The following KAT6B variants were observed in gnomAD, a reference collection of about 807,000 sequenced individuals.
KAT6B encodes the protein lysine acetyltransferase 6B.
A neutral mutation model predicts 187.5 loss-of-function variants in KAT6B; 10 were observed. That is an observed-to-expected ratio of 0.05 (90% confidence interval 0.03 to 0.09). The LOEUF (loss-of-function observed/expected upper bound fraction) is 0.09, where lower values mean the gene tolerates loss of function less well. KAT6B is among the 10% of genes least tolerant of loss of function. KAT6B has a pLI of 1.00. For missense variants in KAT6B, 1,952 were observed against 2,558.9 expected (o/e 0.76, Z 5.12); for synonymous variants, 861 against 926.8 (o/e 0.93, Z 1.29).
At chr10:74,894,333 C>T (rs1268072784) in intron 3 of KAT6B, among the ~76,000 whole-genome samples, 3 of 152,204 alleles carry the variant, frequency 2.0e-5, no homozygotes, top group Non-Finnish European at 4.4e-5. Flanking sequence ...CCACCCACCT[C>T]GGCCTCCCCA....
intron 12 of KAT6B, among the ~76,000 whole-genome samples, chr10:74,986,306 T>C (rs1350076733): frequency 6.6e-6 from 1 of 152,228 alleles, no homozygotes; most frequent in African/African-American, 2.4e-5. Context: ...TAGTTAAATG[T>C]ACCAGGATGG....
intron 3 of KAT6B, among the ~76,000 whole-genome samples, chr10:74,871,752 A>G (rs1265604862): frequency 6.6e-6 from 1 of 152,246 alleles, no homozygotes; most frequent in East Asian, 1.9e-4. Flanking sequence ...AATATGGTTT[A>G]GCATGCCAGA....
rs553411301 is a variant in KAT6B at position 74,827,122 on chromosome 10, C to T, written c.-329+337C>T. 2.7e-3 allele frequency: 372 copies of T among 139,542 alleles called. 2 individuals carry two copies. Among genetic ancestry groups the T allele is most frequent in the Middle Eastern group, 0.017 (5 of 288 alleles). 8.6% of individuals were successfully genotyped at this position (139,542 alleles called of 1,614,324 possible). ...CTGAGTGGGAGTGAACTGGTAGGAG[C>T]GGTGGGGGGCCGGCGAGGGTGTGAG... On this transcript the variant is annotated intron_variant, in intron 1 of 17. Transcript: ENST00000287239.
intron 9 of KAT6B, among the ~76,000 whole-genome samples, chr10:74,978,555 TAA>T (rs1842307750): frequency 6.6e-6 from 1 of 152,230 alleles, no homozygotes; most frequent in African/African-American, 2.4e-5. Context: ...CTGCTAATTC[TAA>T]AGTTTTTTCA....
At chr10:74,993,021 C>T (rs1843208456) in intron 13 of KAT6B, among the ~76,000 whole-genome samples, 1 of 152,208 alleles carries the variant, frequency 6.6e-6, no homozygotes, top group South Asian at 2.1e-4. Context: ...TTCCCCATCT[C>T]TGTCTGTAAA....
intron 3 of KAT6B, among the ~76,000 whole-genome samples, chr10:74,887,693 C>A (rs1845377970): frequency 6.6e-6 from 1 of 152,094 alleles, no homozygotes; most frequent in African/African-American, 2.4e-5. Flanking sequence ...ATGGGTTAGG[C>A]TTCTGGCTTT....
intron 3 of KAT6B, among the ~76,000 whole-genome samples, chr10:74,939,864 A>G (rs1432278140): frequency 1.3e-5 from 2 of 152,244 alleles, no homozygotes; most frequent in African/African-American, 4.8e-5. Context: ...TTTCACTTGT[A>G]AGAGTTTATC....
At chr10:74,838,140 A>G (rs1841453740) in intron 1 of KAT6B, among the ~76,000 whole-genome samples, 1 of 152,196 alleles carries the variant, frequency 6.6e-6, no homozygotes, top group Non-Finnish European at 1.5e-5. Flanking sequence ...ACTTGTGTCA[A>G]TACATATTTA....
chr10:74,960,821 A>G (rs1358612590), intron 4 of KAT6B, among the ~76,000 whole-genome samples: 2 of 152,214 alleles, frequency 1.3e-5, no homozygotes, highest in East Asian at 3.9e-4. Context: ...AACTATGGTA[A>G]GTGTACTACA....
chr10:74,946,298 G>T (rs1263257768), intron 3 of KAT6B, among the ~76,000 whole-genome samples: 3 of 151,952 alleles, frequency 2.0e-5, no homozygotes, highest in African/African-American at 7.3e-5. Flanking sequence ...TCCTGATATT[G>T]GTGATTTGCA....
chr10:74,978,265 A>T lies in KAT6B; in HGVS notation c.2115+828A>T, dbSNP rs538434051. Among the ~76,000 whole-genome samples the T allele has an allele frequency of 2.9e-4, 44 of 152,256 alleles. 1 individual carries two copies. In the South Asian group the frequency reaches 8.9e-3, roughly 31 times the overall value. Reference sequence around the variant, plus strand: ...GCCCCGATCTATCAGGATGCCTTGTATCAGCTTTCCTTTGGCTAAGATAAA... The same window carrying T: ...GCCCCGATCTATCAGGATGCCTTGTTTCAGCTTTCCTTTGGCTAAGATAAA... On this transcript the variant is annotated intron_variant, in intron 9 of 17. Coordinates refer to ENST00000287239, the MANE Select transcript of KAT6B (RefSeq NM_012330.4).
At chr10:74,846,529 C>T (rs905068308) in intron 3 of KAT6B, among the ~76,000 whole-genome samples, 5 of 152,126 alleles carry the variant, frequency 3.3e-5, no homozygotes, top group African/African-American at 9.7e-5. Flanking sequence ...GCCTCTGCCT[C>T]CCAGGTTCAA....
chr10:74,848,768 G>T (rs932420439), intron 3 of KAT6B, among the ~76,000 whole-genome samples: 3 of 152,096 alleles, frequency 2.0e-5, no homozygotes, highest in Non-Finnish European at 4.4e-5. Context: ...GTCGACCTAT[G>T]ATGATTCTTC....
chr10:74,836,071 T>C (rs1232428024), intron 1 of KAT6B, among the ~76,000 whole-genome samples: 1 of 152,248 alleles, frequency 6.6e-6, no homozygotes, highest in Admixed American at 6.5e-5. Flanking sequence ...TTATATGATG[T>C]GTGGCCTTTT....
intron 15 of KAT6B, 78 bp downstream of exon 15, chr10:75,021,363 C>G: frequency 6.7e-7 from 1 of 1,483,030 alleles, no homozygotes; most frequent in Non-Finnish European, 9.4e-7. Context: ...TCATTAAGAT[C>G]GTTGTCAAAA....
At chr10:74,861,246 G>C (rs1014137196) in intron 3 of KAT6B, among the ~76,000 whole-genome samples, 4 of 152,206 alleles carry the variant, frequency 2.6e-5, no homozygotes, top group African/African-American at 9.7e-5. Context: ...AAGGTGCAGT[G>C]AGCAGAGATC....
intron 3 of KAT6B, among the ~76,000 whole-genome samples, chr10:74,862,257 G>A (rs1843235153): frequency 6.6e-6 from 1 of 152,178 alleles, no homozygotes; most frequent in African/African-American, 2.4e-5. Flanking sequence ...AGATCACCAA[G>A]TCCAGGGTTT....
In KAT6B at chr10:75,004,738, G is replaced by T. The variant is rs577253908; in HGVS notation, c.2629+15626G>T. 3.9e-5 allele frequency among the ~76,000 whole-genome samples: 6 copies of T among 152,280 alleles called. No homozygotes were observed. The South Asian group carries it at 1.0e-3, about 26-fold the overall frequency. On this transcript the variant is annotated intron_variant, in intron 13 of 17. Transcript: ENST00000287239. ...CTTTTTAAAGACTGGGTCTCACTCT[G>T]TCACCCAGGCTGGAGTACAGTGGCG...
At chr10:74,873,461 A>G (rs937880724) in intron 3 of KAT6B, among the ~76,000 whole-genome samples, 14 of 151,920 alleles carry the variant, frequency 9.2e-5, no homozygotes, top group African/African-American at 3.4e-4. Flanking sequence ...AAATAAATAA[A>G]TAAATAAATA....
Sources: allele counts gnomAD v4.1 joint callset (sites outside exome capture counted in the v4.1 genomes callset), GRCh38; gene constraint gnomAD v4.1.1; transcripts MANE v1.5; gene names NCBI Gene and HGNC (gene_info 2026-07-23, HGNC 2026-07-21).